CHRM2: variants seen among roughly 807,000 people sequenced by gnomAD.
The protein encoded by CHRM2 is muscarinic acetylcholine receptor M2.
A neutral mutation model predicts 25.0 loss-of-function variants in CHRM2; 8 were observed. The ratio of observed to expected loss-of-function variants is 0.32; its 90% CI spans 0.19 to 0.58. The LOEUF (loss-of-function observed/expected upper bound fraction) is 0.58, where lower values mean the gene tolerates loss of function less well. CHRM2 is among the 20% of genes least tolerant of loss of function. The probability of loss-of-function intolerance (pLI) is 0.88; values close to 1 mark genes in which losing one functional copy is unlikely to be tolerated. For missense variants in CHRM2, 440 were observed against 567.1 expected (o/e 0.78, Z 2.28); for synonymous variants, 202 against 205.7 (o/e 0.98, Z 0.15).
rs144825896 is a variant in CHRM2, at chr7:136,961,103, C to G, written c.-124-31084C>G. Among the ~76,000 whole-genome samples the G allele has an allele frequency of 4.6e-5, 7 of 151,480 alleles. No individual in the cohort carries two copies. The East Asian group carries it at 1.4e-3, about 29-fold the overall frequency. ...TGGCGCCACTGCACTCCGGCCTGGA[C>G]GACAGAGCTAGACTTCATTAAAAAA... is the stretch of plus-strand genomic sequence containing the variant. On this transcript the variant is annotated intron_variant, in intron 2 of 3. Coordinates refer to ENST00000680005, the MANE Select transcript of CHRM2 (RefSeq NM_001006630.2).
intron 2 of CHRM2, among the ~76,000 whole-genome samples, chr7:136,920,217 C>T (rs10278959): frequency 0.15 from 22,542 of 152,008 alleles, 2,409 homozygotes; most frequent in African/African-American, 0.29. Context: ...TCAGCTGTTG[C>T]TGTCAACATA....
chr7:136,986,950 T>A (rs1802897889), intron 2 of CHRM2, among the ~76,000 whole-genome samples: 1 of 152,184 alleles, frequency 6.6e-6, no homozygotes, highest in Non-Finnish European at 1.5e-5. Flanking sequence ...CTTATTTTTC[T>A]ACCTGCATCT....
intron 2 of CHRM2, among the ~76,000 whole-genome samples, chr7:136,980,080 T>A (rs549576942): frequency 2.0e-5 from 3 of 152,234 alleles, no homozygotes; most frequent in Admixed American, 1.3e-4. Context: ...TCCATGAGCA[T>A]GAAATGTTTT....
At chr7:136,999,116 T>A (rs2131052897) in intron 3 of CHRM2, among the ~76,000 whole-genome samples, 1 of 152,310 alleles carries the variant, frequency 6.6e-6, no homozygotes, top group East Asian at 1.9e-4. Context: ...TGTACTTCTT[T>A]CCCTACCCTG....
intron 2 of CHRM2, among the ~76,000 whole-genome samples, chr7:136,918,075 T>C (rs887955376): frequency 1.3e-5 from 2 of 152,016 alleles, no homozygotes; most frequent in Non-Finnish European, 2.9e-5. Context: ...GGAAAATGAA[T>C]GAAGGAACAG....
At chr7:136,937,382 C>T (rs1318860508) in intron 2 of CHRM2, among the ~76,000 whole-genome samples, 1 of 152,012 alleles carries the variant, frequency 6.6e-6, no homozygotes, top group South Asian at 2.1e-4. Flanking sequence ...TTCTAATATG[C>T]AAATTATTTT....
At chr7:136,988,457 C>A (rs1048924536) in intron 2 of CHRM2, among the ~76,000 whole-genome samples, 1 of 152,068 alleles carries the variant, frequency 6.6e-6, no homozygotes, top group Non-Finnish European at 1.5e-5. Flanking sequence ...ATGTGCTCTA[C>A]ATATATTATC....
intron 2 of CHRM2, among the ~76,000 whole-genome samples, chr7:136,975,242 C>T (rs2130948011): frequency 6.6e-6 from 1 of 152,274 alleles, no homozygotes; most frequent in African/African-American, 2.4e-5. Flanking sequence ...TCTTAGAATT[C>T]ACTTTCTTGT....
At chr7:136,977,895 T>TG (rs1454555096) in intron 2 of CHRM2, among the ~76,000 whole-genome samples, 1 of 152,200 alleles carries the variant, frequency 6.6e-6, no homozygotes, top group Non-Finnish European at 1.5e-5. Flanking sequence ...CTTTAATCCA[T>TG]CTCAAGTTAA....
At chr7:136,894,393 C>A (rs575650978) in intron 2 of CHRM2, among the ~76,000 whole-genome samples, 4 of 151,968 alleles carry the variant, frequency 2.6e-5, no homozygotes, top group Non-Finnish European at 4.4e-5. Context: ...TTTTTTGAGA[C>A]AGGAGTCTCG....
chr7:136,946,987 G>A (rs1800108674), intron 2 of CHRM2, among the ~76,000 whole-genome samples: 1 of 152,130 alleles, frequency 6.6e-6, no homozygotes, highest in South Asian at 2.1e-4. Context: ...GTATGCCCAG[G>A]GGAGCAAAAG....
chr7:136,921,478 C>T lies in CHRM2; in HGVS notation c.-125+52060C>T, dbSNP rs912210797. ...AGTTGACAGCTCCCCATTCTTACAG[C>T]TCTCTTATTCCAATTGCATGTGTCC... On this transcript the variant is annotated intron_variant, in intron 2 of 3. Coordinates refer to ENST00000680005, the MANE Select transcript of CHRM2 (RefSeq NM_001006630.2). Among the ~76,000 whole-genome samples the T allele has an allele frequency of 9.9e-5, 15 of 152,246 alleles. No homozygotes were observed. In the East Asian group the frequency reaches 2.9e-3, roughly 29 times the overall value.
chr7:136,907,698 G>A (rs1395518733), intron 2 of CHRM2: 1 of 151,804 alleles, frequency 6.6e-6, no homozygotes, highest in Non-Finnish European at 1.5e-5. Flanking sequence ...GCATTACCAG[G>A]TCAAAGAATA....
chr7:136,902,840 A>G, intron 2 of CHRM2: 1 of 283,758 alleles, frequency 3.5e-6, no homozygotes, highest in Non-Finnish European at 6.8e-6. Flanking sequence ...GTACAATTTA[A>G]TATGTTTGTT....
chr7:136,972,503 G>A (rs186232468), intron 2 of CHRM2, among the ~76,000 whole-genome samples: 19 of 152,068 alleles, frequency 1.2e-4, no homozygotes, highest in African/African-American at 4.6e-4. Context: ...TACTTTCCAG[G>A]CCAGTGATTC....
At chr7:136,873,193 CCTTTGGTT>C (rs1393556674) in intron 2 of CHRM2, among the ~76,000 whole-genome samples, 1 of 152,166 alleles carries the variant, frequency 6.6e-6, no homozygotes, top group Non-Finnish European at 1.5e-5. Flanking sequence ...ACTCTGTCCA[CCTTTGGTT>C]CATTGAGCAG....
chr7:136,996,682 GAATT>G (rs1278135666), intron 3 of CHRM2, among the ~76,000 whole-genome samples: 3 of 152,070 alleles, frequency 2.0e-5, no homozygotes, highest in Non-Finnish European at 2.9e-5. Context: ...CACCAATAGA[GAATT>G]ATTTAATGAA....
chr7:136,932,585 T>C (rs1430095902), intron 2 of CHRM2, among the ~76,000 whole-genome samples: 1 of 152,116 alleles, frequency 6.6e-6, no homozygotes, highest in Non-Finnish European at 1.5e-5. Flanking sequence ...AAATAATAAA[T>C]TCATACAACT....
intron 2 of CHRM2, among the ~76,000 whole-genome samples, chr7:136,892,356 ATGAGAT>A (rs1563049079): frequency 6.6e-6 from 1 of 152,176 alleles, no homozygotes; most frequent in Non-Finnish European, 1.5e-5. Context: ...TAATTCTTCA[ATGAGAT>A]TGCATTGGTC....
Sources: allele counts gnomAD v4.1 joint callset (sites outside exome capture counted in the v4.1 genomes callset), GRCh38; gene constraint gnomAD v4.1.1; transcripts MANE v1.5; gene names NCBI Gene and HGNC (gene_info 2026-07-23, HGNC 2026-07-21).